PTPRO: variants seen among roughly 807,000 people sequenced by gnomAD.
PTPRO encodes the protein protein tyrosine phosphatase receptor type O.
A neutral mutation model predicts 145.2 loss-of-function variants in PTPRO; 62 were observed. That is an observed-to-expected ratio of 0.43 (90% CI 0.35 to 0.53). The LOEUF is 0.53. PTPRO is among the 20% of genes least tolerant of loss of function. The pLI, the probability that PTPRO is intolerant of heterozygous loss-of-function variation, is 0.01. For missense variants in PTPRO, 1,345 were observed against 1,482.7 expected (o/e 0.91, Z 1.53); for synonymous variants, 565 against 514.7 (o/e 1.10, Z -1.32).
intron 1 of PTPRO, among the ~76,000 whole-genome samples, chr12:15,436,604 C>G (rs1362977369): frequency 6.6e-6 from 1 of 152,142 alleles, no homozygotes; most frequent in East Asian, 1.9e-4. Context: ...TAGGGAGAGT[C>G]TTGGAGAAAC....
intron 1 of PTPRO, among the ~76,000 whole-genome samples, chr12:15,423,890 A>C (rs1041488278): frequency 1.3e-5 from 2 of 152,182 alleles, no homozygotes; most frequent in Non-Finnish European, 2.9e-5. Context: ...GGGAGAACTT[A>C]TTGTAGCTCC....
intron 1 of PTPRO, among the ~76,000 whole-genome samples, chr12:15,438,295 A>G (rs754135431): frequency 2.0e-5 from 3 of 152,158 alleles, no homozygotes; most frequent in African/African-American, 4.8e-5. Context: ...TTCTAGCACC[A>G]TGAAAAAACC....
Position 15,580,819 on chromosome 12 carries a change from T to C in PTPRO, c.3120T>C (p.Asn1040=). 1 of 1,613,834 alleles carries C rather than the reference T, an allele frequency of 6.2e-7. No individual in the cohort carries two copies. The highest frequency in any genetic ancestry group is 8.5e-7 in the Non-Finnish European group (1 of 1,179,800). The change falls in exon 22 of 27, where the codon AAT becomes AAC. Residue 1040 remains asparagine, a synonymous_variant. Coordinates refer to ENST00000281171, the MANE Select transcript of PTPRO (RefSeq NM_030667.3). ...SQIIVMLTQC[N]EKRRVKCDHY... is the part of the protein sequence containing the mutation. The stretch of plus-strand genomic sequence containing the variant: ...TTATTGTCATGCTCACTCAGTGTAA[T>C]GAGAAAAGGAGGGTACGTACTTACT...
At chr12:15,355,335 A>G (rs1937951425) in intron 1 of PTPRO, among the ~76,000 whole-genome samples, 1 of 152,226 alleles carries the variant, frequency 6.6e-6, no homozygotes, top group African/African-American at 2.4e-5. Context: ...GTAATAAACT[A>G]GAGCATGGGT....
At chr12:15,402,895 C>T (rs1305483674) in intron 1 of PTPRO, among the ~76,000 whole-genome samples, 4 of 152,054 alleles carry the variant, frequency 2.6e-5, no homozygotes, top group Non-Finnish European at 4.4e-5. Flanking sequence ...CTAAAAAGAA[C>T]CTGTACTGTC....
At chr12:15,396,190 A>ATG (rs1385178145) in intron 1 of PTPRO, among the ~76,000 whole-genome samples, 1 of 152,142 alleles carries the variant, frequency 6.6e-6, no homozygotes, top group African/African-American at 2.4e-5. Flanking sequence ...TGTTGTGAAG[A>ATG]TGTGTGTGAA....
intron 1 of PTPRO, among the ~76,000 whole-genome samples, chr12:15,446,533 T>G (rs1940907319): frequency 6.6e-6 from 1 of 151,796 alleles, no homozygotes; most frequent in Non-Finnish European, 1.5e-5. Flanking sequence ...ATTCTAATAT[T>G]TGCTAGGGAC....
intron 15 of PTPRO, among the ~76,000 whole-genome samples, chr12:15,555,970 A>C (rs936830982): frequency 6.6e-6 from 1 of 152,218 alleles, no homozygotes; most frequent in African/African-American, 2.4e-5. Context: ...TATCTGCAGC[A>C]AGTCTATTAT....
Position 15,398,104 on chromosome 12 carries a change from A to G in PTPRO, c.75+75303A>G, listed in dbSNP as rs149357787. Among the ~76,000 whole-genome samples the G allele has an allele frequency of 3.5e-4, 54 of 152,324 alleles. No individual in the cohort carries two copies. The East Asian group carries it at 9.3e-3, about 26-fold the overall frequency. ...CATCTTTAATGTGAAGATAAATATG[A>G]GAGCGAAAAGGAGAAATCTAAAGTG... On this transcript the variant is annotated intron_variant, in intron 1 of 26. Transcript: ENST00000281171.
At chr12:15,587,101 A>G (rs1422580885) in intron 24 of PTPRO, 50 bp downstream of exon 24, 1 of 1,599,200 alleles carries the variant, frequency 6.3e-7, no homozygotes, top group Admixed American at 1.7e-5. Context: ...TTGGTTTTGT[A>G]AGGGGAACAG....
At chr12:15,389,100 A>C (rs1232040789) in intron 1 of PTPRO, among the ~76,000 whole-genome samples, 3 of 147,288 alleles carry the variant, frequency 2.0e-5, no homozygotes, top group African/African-American at 8.0e-5. Flanking sequence ...AAAATAAATA[A>C]AGAATTTTTT....
intron 19 of PTPRO, 68 bp from the exon 20 acceptor site, chr12:15,578,785 A>G: frequency 9.2e-7 from 1 of 1,089,886 alleles, no homozygotes; most frequent in Non-Finnish European, 1.3e-6. Flanking sequence ...TGAGCAATAA[A>G]CCAGTTGAAC....
chr12:15,490,672 G>A (rs1591648208), intron 2 of PTPRO, among the ~76,000 whole-genome samples: 1 of 152,050 alleles, frequency 6.6e-6, no homozygotes, highest in East Asian at 1.9e-4. Flanking sequence ...CTACTTGGTG[G>A]GGGCATTATA....
In PTPRO at chr12:15,589,606, A is replaced by G. The variant is rs1944504667; in HGVS notation, c.3546+16A>G. ...ACAGACAGAGGTAGGAACATAATCT[A>G]TATGTATTTTTAAATTTTCCCTGGA... On this transcript the variant is annotated intron_variant, in intron 25 of 26. Transcript: ENST00000281171. 5 of 1,613,510 alleles carry G rather than the reference A, an allele frequency of 3.1e-6. No homozygotes were observed. The highest frequency in any genetic ancestry group is 1.1e-5 in the South Asian group (1 of 91,068).
chr12:15,407,551 C>A (rs567784012), intron 1 of PTPRO, among the ~76,000 whole-genome samples: 1 of 152,268 alleles, frequency 6.6e-6, no homozygotes, highest in South Asian at 2.1e-4. Context: ...AGTGCCAAAG[C>A]AGCAGAACAA....
intron 3 of PTPRO, among the ~76,000 whole-genome samples, chr12:15,497,911 G>A (rs1480678510): frequency 6.6e-6 from 1 of 152,206 alleles, no homozygotes; most frequent in Non-Finnish European, 1.5e-5. Context: ...ACCTTGAGGG[G>A]AAGGGAGAGA....
chr12:15,488,484 T>C (rs934351720), intron 2 of PTPRO, among the ~76,000 whole-genome samples: 1 of 152,208 alleles, frequency 6.6e-6, no homozygotes, highest in African/African-American at 2.4e-5. Flanking sequence ...CAGTTAATGA[T>C]GTGTTTTTGC....
intron 2 of PTPRO, 87 bp from the exon 3 acceptor site, chr12:15,497,158 G>A (rs1472234059): frequency 1.5e-5 from 19 of 1,227,322 alleles, no homozygotes; most frequent in Non-Finnish European, 1.9e-5. Flanking sequence ...TTTCTGGTAG[G>A]TGTAATCCTT....
intron 1 of PTPRO, among the ~76,000 whole-genome samples, chr12:15,350,975 T>G (rs1325828106): frequency 6.6e-6 from 1 of 152,206 alleles, no homozygotes; most frequent in Non-Finnish European, 1.5e-5. Flanking sequence ...TATTTTCTTT[T>G]TTTTCCCTCC....
Sources: allele counts gnomAD v4.1 joint callset (sites outside exome capture counted in the v4.1 genomes callset), GRCh38; gene constraint gnomAD v4.1.1; transcripts MANE v1.5; gene names NCBI Gene and HGNC (gene_info 2026-07-23, HGNC 2026-07-21).